OSBPL6: variants seen among roughly 807,000 people sequenced by gnomAD.
OSBPL6 encodes the protein oxysterol-binding protein-related protein 6.
Under a neutral mutation model 125.8 loss-of-function variants are expected in OSBPL6, and 49 were observed. That is an observed-to-expected ratio of 0.39 (90% CI 0.31 to 0.49). The LOEUF (loss-of-function observed/expected upper bound fraction) is 0.49, where lower values mean the gene tolerates loss of function less well. OSBPL6 is among the 20% of genes least tolerant of loss of function. OSBPL6 has a pLI of 0.88. For synonymous variants in OSBPL6, 394 were observed against 391.8 expected (o/e 1.01, Z -0.07); for missense variants, 986 against 1,135.4 (o/e 0.87, Z 1.89).
At chr2:178,379,644 A>G (rs1457502553) in intron 15 of OSBPL6, among the ~76,000 whole-genome samples, 4 of 152,174 alleles carry the variant, frequency 2.6e-5, no homozygotes, top group South Asian at 4.1e-4. Flanking sequence ...ATAATTGTGT[A>G]TGATTAGATT....
At chr2:178,302,132 C>T (rs1686349487) in intron 2 of OSBPL6, among the ~76,000 whole-genome samples, 1 of 152,096 alleles carries the variant, frequency 6.6e-6, no homozygotes, top group Admixed American at 6.6e-5. Flanking sequence ...TAATTAGGTC[C>T]CTGGGTCATA....
intron 13 of OSBPL6, among the ~76,000 whole-genome samples, chr2:178,370,638 A>T (rs1693297299): frequency 6.6e-6 from 1 of 152,194 alleles, no homozygotes; most frequent in African/African-American, 2.4e-5. Context: ...TAAGAATGTT[A>T]TCACCTTTTT....
intron 2 of OSBPL6, among the ~76,000 whole-genome samples, chr2:178,302,337 A>G (rs548936697): frequency 1.5e-3 from 232 of 152,250 alleles, no homozygotes; most frequent in Non-Finnish European, 2.8e-3. Flanking sequence ...TTGACTTTAA[A>G]ATTTATGGCC....
chr2:178,345,960 A>C (rs1362247686), intron 11 of OSBPL6, among the ~76,000 whole-genome samples: 1 of 152,154 alleles, frequency 6.6e-6, no homozygotes, highest in East Asian at 1.9e-4. Flanking sequence ...ATTAATGCCC[A>C]CCTCCCAGGG....
chr2:178,305,389 G>A (rs1033732692), intron 2 of OSBPL6, among the ~76,000 whole-genome samples: 1 of 152,184 alleles, frequency 6.6e-6, no homozygotes, highest in Non-Finnish European at 1.5e-5. Context: ...TGAAGTGGCT[G>A]TTGGCTGTGC....
chr2:178,328,497 CTT>C (rs1006293931), intron 5 of OSBPL6, 119 bp downstream of exon 5: 3 of 1,271,272 alleles, frequency 2.4e-6, no homozygotes, highest in Non-Finnish European at 3.2e-6. Flanking sequence ...CTTTTTAAAA[CTT>C]TTTTTTGAGA....
chr2:178,367,464 T>C (rs1020675145), intron 13 of OSBPL6, among the ~76,000 whole-genome samples: 1 of 152,220 alleles, frequency 6.6e-6, no homozygotes, highest in Non-Finnish European at 1.5e-5. Flanking sequence ...ATATGTTTCA[T>C]ATCCTTCTCC....
chr2:178,253,048 TTTCA>T (rs1404908880), intron 1 of OSBPL6, among the ~76,000 whole-genome samples: 1 of 151,546 alleles, frequency 6.6e-6, no homozygotes, highest in African/African-American at 2.4e-5. Flanking sequence ...TGAGAAGGAG[TTTCA>T]TTCTTGTTGC....
At chr2:178,304,755 C>G (rs1686609705) in intron 2 of OSBPL6, among the ~76,000 whole-genome samples, 1 of 152,182 alleles carries the variant, frequency 6.6e-6, no homozygotes, top group South Asian at 2.1e-4. Context: ...CTACAAGGTC[C>G]TGCAGGGACT....
chr2:178,227,068 A>G (rs1385837825), intron 1 of OSBPL6, among the ~76,000 whole-genome samples: 1 of 152,232 alleles, frequency 6.6e-6, no homozygotes, highest in Non-Finnish European at 1.5e-5. Context: ...ATAGTAGAAT[A>G]TATTAAGAAT....
intron 22 of OSBPL6, among the ~76,000 whole-genome samples, chr2:178,391,607 A>G (rs770658399): frequency 2.8e-4 from 43 of 152,214 alleles, no homozygotes; most frequent in Admixed American, 5.2e-4. Flanking sequence ...GACTACAAAC[A>G]TTTGTAATCC....
chr2:178,224,833 G>A (rs1191798915), intron 1 of OSBPL6, among the ~76,000 whole-genome samples: 5 of 152,206 alleles, frequency 3.3e-5, no homozygotes, highest in African/African-American at 4.8e-5. Flanking sequence ...TACTCAGGGG[G>A]CTGAGGCAGG....
At chr2:178,268,379 G>A in intron 1 of OSBPL6, among the ~76,000 whole-genome samples, 1 of 152,084 alleles carries the variant, frequency 6.6e-6, no homozygotes, top group East Asian at 1.9e-4. Flanking sequence ...ACTGCACCTG[G>A]CCCTTATTTA....
intron 3 of OSBPL6, among the ~76,000 whole-genome samples, chr2:178,307,733 C>T (rs985025884): frequency 2.0e-5 from 3 of 152,060 alleles, no homozygotes; most frequent in Non-Finnish European, 4.4e-5. Context: ...GGCATTTAAA[C>T]AGAGAGAGAG....
intron 1 of OSBPL6, among the ~76,000 whole-genome samples, chr2:178,268,459 C>G (rs1238483268): frequency 6.6e-6 from 1 of 152,062 alleles, no homozygotes; most frequent in African/African-American, 2.4e-5. Flanking sequence ...TTTTTTATAT[C>G]TATATGGATA....
intron 12 of OSBPL6, among the ~76,000 whole-genome samples, chr2:178,359,553 C>A (rs1692131562): frequency 6.6e-6 from 1 of 152,122 alleles, no homozygotes; most frequent in Non-Finnish European, 1.5e-5. Flanking sequence ...CTCTTCTGGG[C>A]ATATATCTAC....
At chr2:178,250,967 AAAAAG>A (rs2091672716) in intron 1 of OSBPL6, among the ~76,000 whole-genome samples, 1 of 152,254 alleles carries the variant, frequency 6.6e-6, no homozygotes, top group African/African-American at 2.4e-5. Context: ...ATAAAAAAAA[AAAAAG>A]AAAAGAAAGT....
chr2:178,382,915 A>G, intron 16 of OSBPL6, 109 bp from the exon 17 acceptor site: 1 of 1,486,262 alleles, frequency 6.7e-7, no homozygotes, highest in Non-Finnish European at 9.0e-7. Flanking sequence ...GATATAATGA[A>G]GACTCATGAA....
intron 19 of OSBPL6, among the ~76,000 whole-genome samples, chr2:178,386,850 TTTTG>T (rs199800130): frequency 0.05 from 7,604 of 151,318 alleles, 288 homozygotes; most frequent in East Asian, 0.14. Flanking sequence ...TTTTTTTTAG[TTTTG>T]TTTGTTTGTT....
Sources: allele counts gnomAD v4.1 joint callset (sites outside exome capture counted in the v4.1 genomes callset), GRCh38; gene constraint gnomAD v4.1.1; transcripts MANE v1.5; gene names NCBI Gene and HGNC (gene_info 2026-07-23, HGNC 2026-07-21).